CYP39A1: variants seen among roughly 807,000 people sequenced by gnomAD.
CYP39A1 encodes the protein cytochrome P450 family 39 subfamily A member 1, also known as 24-hydroxycholesterol 7-alpha-hydroxylase.
CYP39A1 carries 49 observed loss-of-function variants against 58.1 expected under a neutral mutation model. The ratio of observed to expected loss-of-function variants is 0.84; its 90% CI spans 0.67 to 1.07. CYP39A1 has a LOEUF of 1.07. Among genes scored for constraint, CYP39A1 ranks in the 50% least tolerant of loss-of-function variants. The probability of loss-of-function intolerance (pLI) is 0.00; values close to 1 mark genes in which losing one functional copy is unlikely to be tolerated. For synonymous variants in CYP39A1, 209 were observed against 187.6 expected, an observed-to-expected ratio of 1.11 and a Z score of -0.93; for missense variants, 531 against 539.4, an observed-to-expected ratio of 0.98 and a Z score of 0.16.
At chr6:46,613,413 C>T (rs565655061) in intron 7 of CYP39A1, among the ~76,000 whole-genome samples, 6 of 152,318 alleles carry the variant, frequency 3.9e-5, no homozygotes, top group African/African-American at 1.4e-4. Context: ...CAACTGCTAA[C>T]TCTCTAATCC....
chr6:46,635,217 A>T (rs1287309535), intron 5 of CYP39A1, among the ~76,000 whole-genome samples: 1 of 152,212 alleles, frequency 6.6e-6, no homozygotes, highest in Non-Finnish European at 1.5e-5. Context: ...TTTTTAAATG[A>T]TGATAACAAT....
chr6:46,646,683 G>T (rs574100675), intron 1 of CYP39A1, among the ~76,000 whole-genome samples: 2 of 152,080 alleles, frequency 1.3e-5, no homozygotes, highest in African/African-American at 4.8e-5. Flanking sequence ...GATACAATCT[G>T]GGCATAGAGA....
At chr6:46,588,713 C>T (rs1772630442) in intron 8 of CYP39A1, among the ~76,000 whole-genome samples, 1 of 147,140 alleles carries the variant, frequency 6.8e-6, no homozygotes, top group Admixed American at 6.8e-5. Context: ...AGGAAAGAAA[C>T]AAATGAAAAA....
At chr6:46,563,805 A>G (rs1043803936) in intron 10 of CYP39A1, among the ~76,000 whole-genome samples, 1 of 152,158 alleles carries the variant, frequency 6.6e-6, no homozygotes, top group Non-Finnish European at 1.5e-5. Flanking sequence ...ACTCTGTAGT[A>G]AGGAACAGCA....
chr6:46,633,033 T>C (rs1775755941), intron 5 of CYP39A1, among the ~76,000 whole-genome samples: 1 of 152,180 alleles, frequency 6.6e-6, no homozygotes, highest in Admixed American at 6.5e-5. Context: ...CTCTAATCCC[T>C]AGCTTTCTGG....
chr6:46,583,999 T>A (rs2150506086), intron 10 of CYP39A1, among the ~76,000 whole-genome samples: 1 of 152,242 alleles, frequency 6.6e-6, no homozygotes, highest in Admixed American at 6.5e-5. Context: ...GGAACACAAA[T>A]CAAGAACGAG....
At chr6:46,631,359 T>C (rs964531632) in intron 5 of CYP39A1, among the ~76,000 whole-genome samples, 18 of 152,290 alleles carry the variant, frequency 1.2e-4, no homozygotes, top group Non-Finnish European at 2.5e-4. Context: ...TGCCTCTGTG[T>C]CCTCATCCAT....
At chr6:46,550,602 T>G (rs955421624) in intron 11 of CYP39A1, among the ~76,000 whole-genome samples, 165 bp from the exon 12 acceptor site, 2 of 152,204 alleles carry the variant, frequency 1.3e-5, no homozygotes, top group Admixed American at 1.3e-4. Flanking sequence ...ACATCAACTT[T>G]AGCCTTCCAT....
At chr6:46,551,531 TA>T in intron 11 of CYP39A1, among the ~76,000 whole-genome samples, 1 of 152,348 alleles carries the variant, frequency 6.6e-6, no homozygotes, top group Non-Finnish European at 1.5e-5. Flanking sequence ...CACAGATCCT[TA>T]AACTTTGTAG....
intron 10 of CYP39A1, among the ~76,000 whole-genome samples, chr6:46,558,384 C>G (rs1770770284): frequency 6.6e-6 from 1 of 152,026 alleles, no homozygotes; most frequent in Non-Finnish European, 1.5e-5. Flanking sequence ...CACATGGTGG[C>G]CGGAGAGAGA....
At chr6:46,605,027 C>G (rs958547285) in intron 7 of CYP39A1, among the ~76,000 whole-genome samples, 1 of 150,100 alleles carries the variant, frequency 6.7e-6, no homozygotes, top group Non-Finnish European at 1.5e-5. Context: ...AAGGTCCATG[C>G]AAAATCTCAT....
chr6:46,588,127 AT>A lies in CYP39A1; in HGVS notation c.1067del (p.Asn356IlefsTer10). 5 of 1,564,760 alleles carry A rather than the reference AT, an allele frequency of 3.2e-6. No individual in the cohort carries two copies. The highest frequency in any genetic ancestry group is 1.4e-5 in the African/African-American group (1 of 73,316). ...RKVVKPVEILNYIIPSGDLLM... is the reference protein window; with the variant it reads ...RKVVKPVEILXYIIPSGDLLM... The stretch of plus-strand genomic sequence containing the variant: ...ACAAGTCACCAGAAGGAATGATGTA[AT>A]TCTATAACAGAAAAATCAGCTGCAA... On this transcript the variant is annotated frameshift_variant and splice_region_variant, in exon 9 of 12. Coordinates refer to ENST00000275016, the MANE Select transcript of CYP39A1 (RefSeq NM_016593.5). LOFTEE classifies it high-confidence loss of function.
rs75258284 is a variant in CYP39A1 at position 46,600,496 on chromosome 6, A to G, written c.932-4376T>C. 2.0e-3 allele frequency among the ~76,000 whole-genome samples: 301 copies of G among 152,204 alleles called. 1 individual carries two copies. Among genetic ancestry groups the G allele is most frequent in the African/African-American group, 7.1e-3 (295 of 41,538 alleles). The stretch of plus-strand genomic sequence containing the variant: ...AAATTAGGGGCTAGTTGTCAAAGGA[A>G]CCAACCATGAGATGAGAGGATTGGA... On this transcript the variant is annotated intron_variant, in intron 7 of 11. Coordinates refer to ENST00000275016, the MANE Select transcript of CYP39A1 (RefSeq NM_016593.5).
At chr6:46,602,035 G>A (rs941857109) in intron 7 of CYP39A1, among the ~76,000 whole-genome samples, 13 of 152,098 alleles carry the variant, frequency 8.5e-5, no homozygotes, top group African/African-American at 3.1e-4. Flanking sequence ...CAAATAGGAT[G>A]TGATTACATG....
chr6:46,613,147 T>C (rs1206784353), intron 7 of CYP39A1, among the ~76,000 whole-genome samples: 1 of 152,244 alleles, frequency 6.6e-6, no homozygotes, highest in Non-Finnish European at 1.5e-5. Context: ...TTCACTTTAC[T>C]AGTGTTTATA....
chr6:46,596,382 C>T (rs983000810), intron 7 of CYP39A1, among the ~76,000 whole-genome samples: 1 of 152,052 alleles, frequency 6.6e-6, no homozygotes, highest in African/African-American at 2.4e-5. Context: ...TAGGTTCCCA[C>T]AGTCTTATAG....
At chr6:46,552,473 TTC>T (rs1349287815) in intron 11 of CYP39A1, among the ~76,000 whole-genome samples, 1 of 152,208 alleles carries the variant, frequency 6.6e-6, no homozygotes, top group Non-Finnish European at 1.5e-5. Context: ...ATAAAATACT[TTC>T]TGTGTCACTT....
intron 1 of CYP39A1, among the ~76,000 whole-genome samples, chr6:46,648,581 C>A (rs151010595): frequency 1.3e-5 from 2 of 151,616 alleles, no homozygotes; most frequent in Non-Finnish European, 2.9e-5. Context: ...TGATGAGTTA[C>A]TGGGTTCAGC....
In CYP39A1 at chr6:46,631,083, A is replaced by C; in HGVS notation, c.733-13T>G. The C allele has an allele frequency of 6.3e-7, 1 of 1,586,908 alleles. No homozygotes were observed. Among genetic ancestry groups the C allele is most frequent in the Non-Finnish European group, 8.6e-7 (1 of 1,156,696 alleles). ...CTTGCAATAATGTCTGTTTAAAAGA[A>C]ATAAACATTGCCAAACCATGGCTAT... On this transcript the variant is annotated splice_polypyrimidine_tract_variant and intron_variant, in intron 5 of 11. Coordinates refer to ENST00000275016, the MANE Select transcript of CYP39A1 (RefSeq NM_016593.5).
Sources: gnomAD v4.1 joint callset for allele counts (sites outside exome capture counted in the v4.1 genomes callset) on GRCh38, gnomAD v4.1.1 for gene constraint, MANE v1.5 for transcripts, NCBI Gene and HGNC (gene_info 2026-07-23, HGNC 2026-07-21) for gene names.